FAM227A: variants seen among roughly 807,000 people sequenced by gnomAD.
FAM227A encodes family with sequence similarity 227 member A.
Under a neutral mutation model 74.7 loss-of-function variants are expected in FAM227A, and 80 were observed. That is an observed-to-expected ratio of 1.07 (90% CI 0.89 to 1.29). The LOEUF (loss-of-function observed/expected upper bound fraction) is 1.29. Ranked by LOEUF, FAM227A falls within the 50% of genes most tolerant of loss-of-function variation. The probability of loss-of-function intolerance (pLI) is 0.00; values close to 1 mark genes in which losing one functional copy is unlikely to be tolerated. For missense variants in FAM227A, 654 were observed against 683.4 expected, an observed-to-expected ratio of 0.96 and a Z score of 0.48; for synonymous variants, 237 against 241.8, an observed-to-expected ratio of 0.98 and a Z score of 0.19.
intron 1 of FAM227A, among the ~76,000 whole-genome samples, chr22:38,652,551 G>A (rs1271329224): frequency 2.3e-5 from 3 of 127,998 alleles, no homozygotes; most frequent in Non-Finnish European, 4.9e-5. Context: ...TCACGCCACT[G>A]CACTCCAGCC....
At chr22:38,613,082 T>TA in intron 11 of FAM227A, among the ~76,000 whole-genome samples, 1 of 93,336 alleles carries the variant, frequency 1.1e-5, no homozygotes, top group Non-Finnish European at 1.9e-5. Context: ...TTATATATAA[T>TA]TATATATATA....
chr22:38,643,962 A>G (rs11913602), intron 3 of FAM227A, among the ~76,000 whole-genome samples: 2,623 of 151,996 alleles, frequency 0.017, 75 homozygotes, highest in African/African-American at 0.061. Flanking sequence ...CCTGGCTAAC[A>G]TGGTGAAACC....
At chr22:38,596,800 T>C (rs1440694461) in intron 15 of FAM227A, among the ~76,000 whole-genome samples, 2 of 152,066 alleles carry the variant, frequency 1.3e-5, no homozygotes, top group Non-Finnish European at 2.9e-5. Context: ...GTCCATAATA[T>C]GCTGCTAGTG....
At chr22:38,647,465 AAAC>A (rs1056974705) in intron 2 of FAM227A, among the ~76,000 whole-genome samples, 2 of 151,814 alleles carry the variant, frequency 1.3e-5, no homozygotes, top group Non-Finnish European at 2.9e-5. Flanking sequence ...CAAAACAACG[AAAC>A]AACAAAAAAA....
At chr22:38,652,683 G>A (rs1248124039) in intron 1 of FAM227A, among the ~76,000 whole-genome samples, 3 of 150,722 alleles carry the variant, frequency 2.0e-5, no homozygotes, top group South Asian at 2.1e-4. Context: ...TCAGGAGATC[G>A]AGACCATTCT....
At chr22:38,619,707 A>G (rs1440794457) in intron 11 of FAM227A, among the ~76,000 whole-genome samples, 1 of 152,148 alleles carries the variant, frequency 6.6e-6, no homozygotes, top group Non-Finnish European at 1.5e-5. Context: ...CTTTGAAAAG[A>G]TGGCCCTAGA....
Position 38,649,731 on chromosome 22 carries a change from G to A in FAM227A, c.142+296C>T, listed in dbSNP as rs1257784000. Among the ~76,000 whole-genome samples the A allele has an allele frequency of 1.4e-4, 22 of 151,776 alleles. 1 individual carries two copies. Among genetic ancestry groups the A allele is most frequent in the Admixed American group, 1.4e-3 (22 of 15,216 alleles). ...AAAATATAAAATATTAGCCAGGTGT[G>A]GTGGCAGGCACCTGTAATTTCAGCT... is the stretch of plus-strand genomic sequence containing the variant. On this transcript the variant is annotated intron_variant, in intron 2 of 16. Transcript: ENST00000535113.
intron 13 of FAM227A, among the ~76,000 whole-genome samples, chr22:38,602,384 C>A (rs2091195904): frequency 6.6e-6 from 1 of 152,108 alleles, no homozygotes; most frequent in Non-Finnish European, 1.5e-5. Context: ...CAGTTGAGAA[C>A]CACTATTCTA....
chr22:38,605,329 C>A lies in FAM227A; in HGVS notation c.1146G>T (p.Leu382=). 1 of 1,547,652 alleles carries A rather than the reference C, an allele frequency of 6.5e-7. No individual in the cohort carries two copies. The highest frequency in any genetic ancestry group is 8.7e-7 in the Non-Finnish European group (1 of 1,143,080). ...CTTCTTGCGTAGGTTTCTTCAAGAC[C>A]AGGGTCTGACAATGATGCTCTGTCA... ...NTAKEHHCQT[L]VLKKPTQEVK... Residue 382 remains leucine, a synonymous_variant, in exon 13 of 17, where the codon CTG becomes CTT. Transcript: ENST00000535113.
At chr22:38,646,558 G>A (rs903382867) in intron 2 of FAM227A, among the ~76,000 whole-genome samples, 63 of 151,876 alleles carry the variant, frequency 4.1e-4, no homozygotes, top group African/African-American at 1.4e-3. Context: ...CACCGCGCCC[G>A]GCCCAGTATT....
chr22:38,609,764 CTTTTCT>C (rs1268077390), intron 11 of FAM227A, among the ~76,000 whole-genome samples: 2 of 151,200 alleles, frequency 1.3e-5, no homozygotes, highest in African/African-American at 2.4e-5. Flanking sequence ...CATTCTTTTT[CTTTTCT>C]TTCTTTTTTT....
At chr22:38,643,223 G>A (rs2092153687) in intron 3 of FAM227A, among the ~76,000 whole-genome samples, 1 of 151,874 alleles carries the variant, frequency 6.6e-6, no homozygotes, top group Non-Finnish European at 1.5e-5. Flanking sequence ...GGCCGAGGCA[G>A]GAGAATCACT....
intron 15 of FAM227A, among the ~76,000 whole-genome samples, chr22:38,593,505 TAAAAC>T (rs896427703): frequency 3.9e-5 from 6 of 151,980 alleles, no homozygotes; most frequent in African/African-American, 7.3e-5. Flanking sequence ...ACTCCGTCTC[TAAAAC>T]AAAACAAAAC....
chr22:38,613,196 AT>A (rs1466287591), intron 11 of FAM227A, among the ~76,000 whole-genome samples: 5 of 78,958 alleles, frequency 6.3e-5, no homozygotes, highest in African/African-American at 2.9e-4. Context: ...ATATATATAT[AT>A]TATATTATAT....
At chr22:38,616,241 C>A (rs2091573013) in intron 11 of FAM227A, among the ~76,000 whole-genome samples, 1 of 152,200 alleles carries the variant, frequency 6.6e-6, no homozygotes, top group African/African-American at 2.4e-5. Flanking sequence ...CCACACCAAA[C>A]AGGTTAGAGG....
intron 11 of FAM227A, among the ~76,000 whole-genome samples, chr22:38,613,464 C>T (rs945876299): frequency 2.4e-5 from 1 of 40,878 alleles, no homozygotes; most frequent in Non-Finnish European, 7.0e-5. Flanking sequence ...GGTCCAAGGT[C>T]CCAGCCCAGG....
chr22:38,609,466 C>T (rs558763124), intron 11 of FAM227A, among the ~76,000 whole-genome samples: 14 of 152,226 alleles, frequency 9.2e-5, no homozygotes, highest in African/African-American at 2.4e-4. Context: ...TTCGTCTGGG[C>T]GAGAGCTGGA....
rs1056359122 is a variant in FAM227A, at chr22:38,620,152, C to A, written c.1038+60G>T. ...GAGGCCACTGATGCTCCAGAAGAAC[C>A]GAGGGTTCCTGAAGCTTATGGGACT... On this transcript the variant is annotated intron_variant, in intron 11 of 16. Transcript: ENST00000535113. The A allele has an allele frequency of 2.5e-6, 3 of 1,206,736 alleles. No homozygotes were observed. The East Asian group carries it at 7.6e-5, about 31-fold the overall frequency. The allele number at this position is 1,206,736 out of a possible 1,614,324, so 74.8% of individuals were successfully genotyped here.
chr22:38,642,457 G>C (rs1433384341), intron 3 of FAM227A, among the ~76,000 whole-genome samples: 1 of 152,170 alleles, frequency 6.6e-6, no homozygotes, highest in African/African-American at 2.4e-5. Context: ...AGGTGACCTT[G>C]GGTTTGGCCA....
Sources: allele counts gnomAD v4.1 joint callset (sites outside exome capture counted in the v4.1 genomes callset), GRCh38; gene constraint gnomAD v4.1.1; transcripts MANE v1.5; gene names NCBI Gene and HGNC (gene_info 2026-07-23, HGNC 2026-07-21).